Variants in ALKAL1 observed in about 807,000 individuals in gnomAD.
The protein encoded by ALKAL1 is AUG-beta.
ALKAL1 carries 23 observed loss-of-function variants against 13.5 expected under a neutral mutation model. The observed-to-expected ratio is 1.70, with a 90% CI of 1.23 to 2.41. ALKAL1 has a LOEUF of 2.41. Among genes scored for constraint, ALKAL1 ranks in the 30% most tolerant of loss-of-function variants. The pLI is 0.00. For missense variants in ALKAL1, 181 were observed against 178.4 expected (o/e 1.01, Z -0.08); for synonymous variants, 85 against 77.7 (o/e 1.09, Z -0.49).
At chr8:52,558,722 C>T (rs956729973) in intron 1 of ALKAL1, among the ~76,000 whole-genome samples, 1 of 152,006 alleles carries the variant, frequency 6.6e-6, no homozygotes, top group African/African-American at 2.4e-5. Context: ...CAAATAAATG[C>T]CTAATTTAAA....
intron 1 of ALKAL1, among the ~76,000 whole-genome samples, chr8:52,562,465 G>A (rs757837795): frequency 2.6e-5 from 4 of 152,142 alleles, no homozygotes; most frequent in Admixed American, 6.5e-5. Context: ...GCTGTGAGAA[G>A]GAAGGAGGGC....
intron 1 of ALKAL1, among the ~76,000 whole-genome samples, chr8:52,546,765 G>A (rs1847373475): frequency 6.6e-6 from 1 of 152,214 alleles, no homozygotes; most frequent in South Asian, 2.1e-4. Context: ...GGATAAATAT[G>A]TCTGCTTTTC....
At chr8:52,561,745 C>CA (rs1449606637) in intron 1 of ALKAL1, among the ~76,000 whole-genome samples, 21 of 152,314 alleles carry the variant, frequency 1.4e-4, no homozygotes, top group Middle Eastern at 3.4e-3. Flanking sequence ...AAAACCCCTT[C>CA]ACATTCTCTC....
intron 1 of ALKAL1, among the ~76,000 whole-genome samples, chr8:52,550,247 A>T (rs1847416742): frequency 6.6e-6 from 1 of 152,162 alleles, no homozygotes; most frequent in Admixed American, 6.5e-5. Context: ...AGTAAACTCA[A>T]ATTGGTTGCT....
At chr8:52,551,462 C>A (rs928156660) in intron 1 of ALKAL1, among the ~76,000 whole-genome samples, 1 of 146,638 alleles carries the variant, frequency 6.8e-6, no homozygotes, top group East Asian at 2.0e-4. Context: ...CCGGCTAATT[C>A]ATTTTTTTTT....
At chr8:52,555,489 G>T (rs1256200954) in intron 1 of ALKAL1, among the ~76,000 whole-genome samples, 1 of 152,170 alleles carries the variant, frequency 6.6e-6, no homozygotes, top group East Asian at 1.9e-4. Flanking sequence ...CTGTAGCTGA[G>T]ATAGGCAGCA....
intron 1 of ALKAL1, among the ~76,000 whole-genome samples, chr8:52,556,239 CAT>C (rs1847479834): frequency 6.6e-6 from 1 of 151,886 alleles, no homozygotes; most frequent in East Asian, 1.9e-4. Context: ...ATCTGATTAC[CAT>C]ATGTTAAAAA....
chr8:52,535,638 T>C (rs968980111), intron 4 of ALKAL1, among the ~76,000 whole-genome samples: 3 of 151,570 alleles, frequency 2.0e-5, no homozygotes, highest in Non-Finnish European at 4.4e-5. Flanking sequence ...TTGAATTAAG[T>C]ATCTTGCCAC....
chr8:52,565,296 G>T lies in ALKAL1; in HGVS notation c.-40C>A. ...AGGAGAGAGCGGGAGACTCCGGGAG[G>T]ATCCCGACGCAGGTCCGGAGGGTGC... On this transcript the variant is annotated 5_prime_UTR_variant, in exon 1 of 5. Transcript: ENST00000358543. 1 of 1,277,038 alleles carries T rather than the reference G, an allele frequency of 7.8e-7. No homozygotes were observed. The highest frequency in any genetic ancestry group is 1.0e-6 in the Non-Finnish European group (1 of 1,000,904). 79.1% of individuals were successfully genotyped at this position (1,277,038 alleles called of 1,614,324 possible).
At chr8:52,556,364 T>C (rs1289243164) in intron 1 of ALKAL1, among the ~76,000 whole-genome samples, 1 of 152,074 alleles carries the variant, frequency 6.6e-6, no homozygotes, top group Non-Finnish European at 1.5e-5. Context: ...ATTGGATGGA[T>C]AGGCCGGGCG....
chr8:52,558,652 G>T (rs1036638176), intron 1 of ALKAL1, among the ~76,000 whole-genome samples: 1 of 151,918 alleles, frequency 6.6e-6, no homozygotes, highest in Non-Finnish European at 1.5e-5. Context: ...CTCGTTTATA[G>T]GCATTGGCTG....
At chr8:52,565,040 G>C (rs908237853) in intron 1 of ALKAL1, 27 bp downstream of exon 1, 1 of 1,356,218 alleles carries the variant, frequency 7.4e-7, no homozygotes, top group Non-Finnish European at 9.5e-7. Context: ...GCAGGGCAAA[G>C]GATGGGGCGG....
chr8:52,555,599 T>G (rs1425508805), intron 1 of ALKAL1, among the ~76,000 whole-genome samples: 7 of 152,122 alleles, frequency 4.6e-5, no homozygotes, highest in Admixed American at 4.6e-4. Flanking sequence ...CTTCACCACC[T>G]CCTCTACTGG....
rs950588079 is a variant in ALKAL1, at chr8:52,556,520, G to A, written c.190+8547C>T. 4.6e-5 allele frequency among the ~76,000 whole-genome samples: 7 copies of A among 151,706 alleles called. No homozygotes were observed. In the East Asian group the frequency reaches 5.8e-4, roughly 13 times the overall value. On this transcript the variant is annotated intron_variant, in intron 1 of 4. Transcript: ENST00000358543. Reference sequence around the variant, plus strand: ...AAATTAGCCGGGCGTGGTGGCGCGCGCCTGTAGTCCCAGCTACACGGGAGG... The same window carrying A: ...AAATTAGCCGGGCGTGGTGGCGCGCACCTGTAGTCCCAGCTACACGGGAGG...
intron 1 of ALKAL1, among the ~76,000 whole-genome samples, chr8:52,556,806 C>T (rs1461066230): frequency 1.3e-5 from 2 of 152,032 alleles, no homozygotes; most frequent in African/African-American, 4.8e-5. Flanking sequence ...GTTACATTTC[C>T]TTTCTTTCTT....
intron 1 of ALKAL1, among the ~76,000 whole-genome samples, chr8:52,551,304 AT>A (rs1227069239): frequency 1.3e-5 from 2 of 150,650 alleles, no homozygotes; most frequent in South Asian, 2.1e-4. Flanking sequence ...TTTTATTTTT[AT>A]TTTTTTAGAG....
At chr8:52,545,883 G>A (rs1847363986) in intron 1 of ALKAL1, among the ~76,000 whole-genome samples, 1 of 152,188 alleles carries the variant, frequency 6.6e-6, no homozygotes, top group Non-Finnish European at 1.5e-5. Context: ...GCATCGTTAG[G>A]AGATTCCTCC....
At chr8:52,544,290 C>A (rs1292965843) in intron 1 of ALKAL1, among the ~76,000 whole-genome samples, 1 of 151,834 alleles carries the variant, frequency 6.6e-6, no homozygotes, top group African/African-American at 2.4e-5. Context: ...CATAGGAATA[C>A]AAGAATGTAC....
intron 1 of ALKAL1, among the ~76,000 whole-genome samples, chr8:52,553,810 A>G (rs1847453181): frequency 1.3e-5 from 2 of 152,250 alleles, no homozygotes; most frequent in South Asian, 4.1e-4. Context: ...ATTTCATCTG[A>G]AGACTGATCT....
Sources: gnomAD v4.1 joint callset for allele counts (sites outside exome capture counted in the v4.1 genomes callset) on GRCh38, gnomAD v4.1.1 for gene constraint, MANE v1.5 for transcripts, NCBI Gene and HGNC (gene_info 2026-07-23, HGNC 2026-07-21) for gene names.